FBXL2: variants seen among roughly 807,000 people sequenced by gnomAD.
The protein encoded by FBXL2 is F-box/LRR-repeat protein 2.
Under a neutral mutation model 69.2 loss-of-function variants are expected in FBXL2, and 38 were observed. The ratio of observed to expected loss-of-function variants is 0.55; its 90% CI spans 0.42 to 0.72. The LOEUF (loss-of-function observed/expected upper bound fraction) is 0.72. Among genes scored for constraint, FBXL2 ranks in the 30% least tolerant of loss-of-function variants. The pLI, the probability that FBXL2 is intolerant of heterozygous loss-of-function variation, is 0.00. For missense variants in FBXL2, 354 were observed against 520.3 expected, an observed-to-expected ratio of 0.68 and a Z score of 3.11; for synonymous variants, 192 against 201.3, an observed-to-expected ratio of 0.95 and a Z score of 0.39.
intron 2 of FBXL2, chr3:33,303,260 G>A (rs183384636): frequency 6.8e-6 from 3 of 438,678 alleles, no homozygotes; most frequent in East Asian, 7.0e-5. Flanking sequence ...TGGTTTGCTC[G>A]CTCTCGTGGT....
downstream of FBXL2, among the ~76,000 whole-genome samples, chr3:33,406,768 C>T (rs1398190360): frequency 6.6e-6 from 1 of 152,220 alleles, no homozygotes; most frequent in Non-Finnish European, 1.5e-5. Context: ...ACTGTGAACA[C>T]AGTCCCTCCC....
At chr3:33,301,273 T>TA (rs2036272578) in intron 2 of FBXL2, among the ~76,000 whole-genome samples, 1 of 152,232 alleles carries the variant, frequency 6.6e-6, no homozygotes, top group Admixed American at 6.5e-5. Flanking sequence ...CCTTCAGTCT[T>TA]ACTTCCTCAA....
intron 1 of FBXL2, among the ~76,000 whole-genome samples, chr3:33,287,988 G>A (rs1229090809): frequency 6.6e-6 from 1 of 152,108 alleles, no homozygotes; most frequent in Non-Finnish European, 1.5e-5. Context: ...CTCAGATATG[G>A]ACAGCTATGG....
intron 2 of FBXL2, among the ~76,000 whole-genome samples, chr3:33,320,973 TA>T (rs1436879148): frequency 4.6e-5 from 7 of 152,124 alleles, no homozygotes; most frequent in African/African-American, 1.7e-4. Flanking sequence ...ATGGAATTTA[TA>T]AAGAACTCTT....
In FBXL2 at chr3:33,399,381, AACATTCC is replaced by A. The variant is rs1279251198; in HGVS notation, n.1215-3852_1215-3846del. Among the ~76,000 whole-genome samples, 5 of 152,154 alleles carry A rather than the reference AACATTCC, an allele frequency of 3.3e-5. No individual in the cohort carries two copies. The South Asian group carries it at 1.0e-3, about 31-fold the overall frequency. On this transcript the variant is annotated intron_variant and non_coding_transcript_variant, in intron 12 of 12. Coordinates refer to the FBXL2 transcript ENST00000463736. ...TTGATACCTTTTAAAATTCCTTCTT[AACATTCC>A]CTTAGCTTACTGTGCAAGAAAAAAA...
chr3:33,400,929 A>G, intron 12 of FBXL2: 2 of 1,585,510 alleles, frequency 1.3e-6, no homozygotes, highest in Non-Finnish European at 1.7e-6. Flanking sequence ...GAACCCTGAA[A>G]GCATCAGATA....
At chr3:33,396,182 T>C (rs760354466) in intron 12 of FBXL2, 12 of 1,584,762 alleles carry the variant, frequency 7.6e-6, no homozygotes, top group Non-Finnish European at 5.2e-6. Flanking sequence ...CCCACTGCCA[T>C]TCTCGCTTGC....
intron 2 of FBXL2, among the ~76,000 whole-genome samples, chr3:33,356,756 C>T (rs1462551992): frequency 2.6e-5 from 4 of 152,174 alleles, no homozygotes; most frequent in South Asian, 2.1e-4. Context: ...AGTGATTGAT[C>T]GTACATTGTT....
At chr3:33,304,797 C>T (rs1012429789) in intron 2 of FBXL2, among the ~76,000 whole-genome samples, 1 of 151,984 alleles carries the variant, frequency 6.6e-6, no homozygotes, top group Non-Finnish European at 1.5e-5. Flanking sequence ...AACTGAATCT[C>T]TTTCCAACAC....
intron 2 of FBXL2, among the ~76,000 whole-genome samples, chr3:33,304,092 G>T (rs952061174): frequency 6.6e-6 from 1 of 151,918 alleles, no homozygotes; most frequent in African/African-American, 2.4e-5. Flanking sequence ...ACATATATTT[G>T]CAAAAGCACA....
At chr3:33,390,667 G>GC, downstream of FBXL2, 2 of 400,792 alleles carry the variant, frequency 5.0e-6, no homozygotes, top group Non-Finnish European at 9.2e-6. Context: ...TAATAGTGCT[G>GC]TCCATAAGGG....
At chr3:33,312,061 T>C (rs2037254488) in intron 2 of FBXL2, among the ~76,000 whole-genome samples, 2 of 152,204 alleles carry the variant, frequency 1.3e-5, no homozygotes, top group African/African-American at 4.8e-5. Context: ...TTATTCTTTT[T>C]TTATTTTTAT....
intron 2 of FBXL2, among the ~76,000 whole-genome samples, chr3:33,347,319 G>A (rs1313425089): frequency 6.6e-6 from 1 of 152,182 alleles, no homozygotes; most frequent in Non-Finnish European, 1.5e-5. Flanking sequence ...TTGTATGGCT[G>A]AATGTATATA....
At chr3:33,308,126 A>G (rs529576148) in intron 2 of FBXL2, among the ~76,000 whole-genome samples, 1 of 152,154 alleles carries the variant, frequency 6.6e-6, no homozygotes, top group Non-Finnish European at 1.5e-5. Flanking sequence ...TATTCCTGCC[A>G]TTGCCTCCTC....
chr3:33,394,827 T>G (rs2043910486), intron 12 of FBXL2, among the ~76,000 whole-genome samples: 1 of 151,604 alleles, frequency 6.6e-6, no homozygotes, highest in Admixed American at 6.6e-5. Flanking sequence ...GTTTTTTTTT[T>G]TTTTTTTTTT....
chr3:33,365,875 T>C (rs2041924824), intron 5 of FBXL2, among the ~76,000 whole-genome samples: 1 of 152,204 alleles, frequency 6.6e-6, no homozygotes, highest in African/African-American at 2.4e-5. Context: ...ATACCCCCCA[T>C]AACCTTGGAA....
chr3:33,342,168 C>A (rs1002212715), intron 2 of FBXL2, among the ~76,000 whole-genome samples: 7 of 151,290 alleles, frequency 4.6e-5, no homozygotes, highest in Non-Finnish European at 1.0e-4. Context: ...CTACGCCCGG[C>A]TAATTTTTTG....
At chr3:33,278,081 G>A (rs1441991078) in intron 1 of FBXL2, 1 of 151,990 alleles carries the variant, frequency 6.6e-6, no homozygotes, top group East Asian at 1.9e-4. Flanking sequence ...TAAGCTGGAG[G>A]GTTTTTTTTT....
chr3:33,365,667 C>A (rs2041906930), intron 5 of FBXL2, among the ~76,000 whole-genome samples: 2 of 152,086 alleles, frequency 1.3e-5, no homozygotes, highest in African/African-American at 4.8e-5. Flanking sequence ...GTGGAACGAT[C>A]CCTTGAAGCC....
Sources: gnomAD v4.1 joint callset for allele counts (sites outside exome capture counted in the v4.1 genomes callset) on GRCh38, gnomAD v4.1.1 for gene constraint, MANE v1.5 for transcripts, NCBI Gene and HGNC (gene_info 2026-07-23, HGNC 2026-07-21) for gene names.